Variants in GRID1 observed in about 807,000 individuals in gnomAD.
GRID1 encodes the protein glutamate receptor ionotropic, delta-1.
Under a neutral mutation model 98.0 loss-of-function variants are expected in GRID1, and 28 were observed. The observed-to-expected ratio is 0.29, with a 90% confidence interval of 0.21 to 0.39. The LOEUF is 0.39. Among genes scored for constraint, GRID1 ranks in the 10% least tolerant of loss-of-function variants. The pLI is 1.00. For missense variants in GRID1, 1,111 were observed against 1,340.5 expected (o/e 0.83, Z 2.67); for synonymous variants, 553 against 538.5 (o/e 1.03, Z -0.37).
chr10:86,092,536 A>T (rs1259236405), intron 4 of GRID1, among the ~76,000 whole-genome samples: 1 of 152,210 alleles, frequency 6.6e-6, no homozygotes, highest in Non-Finnish European at 1.5e-5. Context: ...TAAAGGGTGG[A>T]AAAAGGCATT....
intron 2 of GRID1, among the ~76,000 whole-genome samples, chr10:86,267,817 T>C (rs1847127322): frequency 6.6e-6 from 1 of 152,224 alleles, no homozygotes; most frequent in Admixed American, 6.5e-5. Flanking sequence ...GCCACTAGCC[T>C]GCACCCAGCA....
intron 13 of GRID1, among the ~76,000 whole-genome samples, chr10:85,627,944 C>T (rs1004370415): frequency 1.3e-5 from 2 of 152,156 alleles, no homozygotes; most frequent in African/African-American, 2.4e-5. Context: ...CCCACCTTCA[C>T]CAAGTCAGCA....
chr10:86,326,667 C>T (rs887285708), intron 2 of GRID1, among the ~76,000 whole-genome samples: 4 of 152,136 alleles, frequency 2.6e-5, no homozygotes, highest in Admixed American at 2.6e-4. Flanking sequence ...GCAAATGGTG[C>T]CAGGTTGCAA....
At chr10:86,224,088 A>G (rs2132031338) in intron 2 of GRID1, among the ~76,000 whole-genome samples, 1 of 152,328 alleles carries the variant, frequency 6.6e-6, no homozygotes, top group East Asian at 1.9e-4. Context: ...TGCCAGGCAC[A>G]TGTTCCCTCC....
At chr10:85,865,912 CATATATATATATATAT>C (rs375258556) in intron 6 of GRID1, among the ~76,000 whole-genome samples, 2 of 83,092 alleles carry the variant, frequency 2.4e-5, no homozygotes, top group Non-Finnish European at 4.2e-5. Flanking sequence ...TACATATATA[CATATATATATATATAT>C]ATATATATAT....
intron 2 of GRID1, among the ~76,000 whole-genome samples, chr10:86,323,979 G>C (rs1169622557): frequency 6.6e-6 from 1 of 152,120 alleles, no homozygotes; most frequent in African/African-American, 2.4e-5. Flanking sequence ...AGGAGTTTGA[G>C]ACCAGCCCAG....
chr10:85,696,827 T>C (rs1220536846), intron 12 of GRID1, among the ~76,000 whole-genome samples: 3 of 152,066 alleles, frequency 2.0e-5, no homozygotes, highest in African/African-American at 4.8e-5. Flanking sequence ...CTGTATTAGA[T>C]AAACATTTAG....
chr10:86,255,638 C>T (rs1166358071), intron 2 of GRID1, among the ~76,000 whole-genome samples: 1 of 152,216 alleles, frequency 6.6e-6, no homozygotes, highest in Non-Finnish European at 1.5e-5. Flanking sequence ...CAAACTGACA[C>T]CTGTCATCAC....
chr10:85,728,196 T>C (rs1280933952), intron 9 of GRID1, 144 bp from the exon 10 acceptor site: 4 of 666,308 alleles, frequency 6.0e-6, no homozygotes, highest in Non-Finnish European at 1.1e-5. Flanking sequence ...TCTGCCTTTT[T>C]CTAAAAGCAG....
intron 4 of GRID1, among the ~76,000 whole-genome samples, chr10:86,134,368 C>T (rs1367189160): frequency 1.3e-5 from 2 of 152,144 alleles, no homozygotes; most frequent in East Asian, 1.9e-4. Flanking sequence ...AATGGATGAA[C>T]GGAGAGAGAG....
At chr10:85,982,398 GACTTAT>G (rs1350649973) in intron 4 of GRID1, among the ~76,000 whole-genome samples, 1 of 152,164 alleles carries the variant, frequency 6.6e-6, no homozygotes, top group African/African-American at 2.4e-5. Flanking sequence ...ACAGTGATCT[GACTTAT>G]ACTTAAGAGG....
chr10:86,344,014 T>G (rs1368308678), intron 2 of GRID1, among the ~76,000 whole-genome samples: 1 of 152,230 alleles, frequency 6.6e-6, no homozygotes, highest in Admixed American at 6.5e-5. Flanking sequence ...CACCGTTCAT[T>G]GGCTGGCCCT....
At chr10:85,963,632 T>C (rs1842299987) in intron 4 of GRID1, among the ~76,000 whole-genome samples, 1 of 152,198 alleles carries the variant, frequency 6.6e-6, no homozygotes, top group Non-Finnish European at 1.5e-5. Flanking sequence ...TTATTTCATG[T>C]CCATATGTAT....
Position 85,656,037 on chromosome 10 carries a change from C to T in GRID1, c.1998-8640G>A, listed in dbSNP as rs546287039. 2.6e-5 allele frequency among the ~76,000 whole-genome samples: 4 copies of T among 151,930 alleles called. No individual in the cohort carries two copies. The South Asian group carries it at 8.3e-4, about 32-fold the overall frequency. On this transcript the variant is annotated intron_variant, in intron 12 of 15. Coordinates refer to ENST00000327946, the MANE Select transcript of GRID1 (RefSeq NM_017551.3). ...TGACATCCTCCTCCAACCACCCTTCCAGCTCTTCTTCCGGAGAGTTATCTA... is the reference window on the plus strand; with the variant it reads ...TGACATCCTCCTCCAACCACCCTTCTAGCTCTTCTTCCGGAGAGTTATCTA...
intron 8 of GRID1, among the ~76,000 whole-genome samples, chr10:85,847,835 CTAAT>C (rs1385702083): frequency 6.6e-6 from 1 of 152,046 alleles, no homozygotes; most frequent in Non-Finnish European, 1.5e-5. Context: ...AATGAATAAT[CTAAT>C]TATTTGACCA....
At chr10:86,032,574 A>G (rs1843202358) in intron 4 of GRID1, among the ~76,000 whole-genome samples, 2 of 152,186 alleles carry the variant, frequency 1.3e-5, no homozygotes, top group Non-Finnish European at 1.5e-5. Context: ...TCAGGGTTAA[A>G]TGGATTAAGG....
chr10:86,089,991 C>T (rs1844121707), intron 4 of GRID1, among the ~76,000 whole-genome samples: 1 of 152,174 alleles, frequency 6.6e-6, no homozygotes, highest in Non-Finnish European at 1.5e-5. Context: ...AGGTGATCCA[C>T]CTGCCTTGGC....
chr10:86,157,326 A>G (rs552619518), intron 3 of GRID1, among the ~76,000 whole-genome samples: 188 of 152,286 alleles, frequency 1.2e-3, no homozygotes, highest in African/African-American at 4.2e-3. Flanking sequence ...AGAGATACAG[A>G]GCAAGACAGA....
intron 4 of GRID1, among the ~76,000 whole-genome samples, chr10:85,931,311 T>A (rs1002563496): frequency 6.6e-6 from 1 of 152,164 alleles, no homozygotes; most frequent in Non-Finnish European, 1.5e-5. Flanking sequence ...AAGAGCTACA[T>A]GGTTGGGAGG....
Sources: allele counts gnomAD v4.1 joint callset (sites outside exome capture counted in the v4.1 genomes callset), GRCh38; gene constraint gnomAD v4.1.1; transcripts MANE v1.5; gene names NCBI Gene and HGNC (gene_info 2026-07-23, HGNC 2026-07-21).